The following MTA3 variants were observed in gnomAD, a reference collection of about 807,000 sequenced individuals.
MTA3 encodes the protein metastasis associated 1 family member 3.
MTA3 carries 34 observed loss-of-function variants against 83.5 expected under a neutral mutation model. That is an observed-to-expected ratio of 0.41 (90% CI 0.31 to 0.54). MTA3 has a LOEUF of 0.54. Among genes scored for constraint, MTA3 ranks in the 20% least tolerant of loss-of-function variants. The pLI is 0.33. For missense variants in MTA3, 761 were observed against 726.4 expected (o/e 1.05, Z -0.55); for synonymous variants, 303 against 252.7 (o/e 1.20, Z -1.89).
At chr2:42,726,242 C>A (rs1561506) in intron 16 of MTA3, among the ~76,000 whole-genome samples, 81,545 of 151,460 alleles carry the variant, frequency 0.54, 22,382 homozygotes, top group Middle Eastern at 0.67. Flanking sequence ...GAAACAACAC[C>A]CGGGGCTGCT....
At chr2:42,502,019 A>G (rs1486538742) in intron 2 of MTA3, among the ~76,000 whole-genome samples, 1 of 152,084 alleles carries the variant, frequency 6.6e-6, no homozygotes, top group African/African-American at 2.4e-5. Context: ...AAAAAGACCC[A>G]AATTCCCTGA....
At chr2:42,711,302 G>T (rs1666589284) in intron 14 of MTA3, among the ~76,000 whole-genome samples, 1 of 152,006 alleles carries the variant, frequency 6.6e-6, no homozygotes, top group Non-Finnish European at 1.5e-5. Flanking sequence ...ATTCTTCAAT[G>T]AAGTATATTT....
intron 4 of MTA3, among the ~76,000 whole-genome samples, chr2:42,630,521 A>C (rs1686573937): frequency 6.6e-6 from 1 of 152,214 alleles, no homozygotes; most frequent in Non-Finnish European, 1.5e-5. Flanking sequence ...ATTGTGGAGT[A>C]AATTATGATG....
intron 13 of MTA3, among the ~76,000 whole-genome samples, chr2:42,708,359 T>C (rs765852548): frequency 2.6e-5 from 4 of 152,236 alleles, no homozygotes; most frequent in Non-Finnish European, 5.9e-5. Flanking sequence ...TTACATTCTG[T>C]TGAAGGCGTG....
Position 42,754,511 on chromosome 2 carries a change from C to T in MTA3, c.*1112C>T, listed in dbSNP as rs373466310. ...CCCTTGGTGGCATCACAGTTGGCCA[C>T]TCAGCTGTGCTGAGTAGCTGTGCTA... On this transcript the variant is annotated 3_prime_UTR_variant, in exon 17 of 17. Coordinates refer to ENST00000405094, the MANE Select transcript of MTA3 (RefSeq NM_001330442.2). 2 of 985,444 alleles carry T rather than the reference C, an allele frequency of 2.0e-6. No individual in the cohort carries two copies. Among genetic ancestry groups the T allele is most frequent in the Non-Finnish European group, 2.4e-6 (2 of 830,018 alleles). 61.0% of individuals were successfully genotyped at this position (985,444 alleles called of 1,614,324 possible). A position where few individuals can be genotyped will look rare whatever the true frequency, so the allele number is the denominator to read the frequency against.
intron 2 of MTA3, among the ~76,000 whole-genome samples, chr2:42,542,835 G>C (rs948240478): frequency 1.3e-5 from 2 of 152,062 alleles, no homozygotes; most frequent in African/African-American, 2.4e-5. Flanking sequence ...GGGATTACAG[G>C]CGTGACCCAC....
chr2:42,693,449 A>G (rs1435204268), intron 9 of MTA3, among the ~76,000 whole-genome samples: 1 of 152,208 alleles, frequency 6.6e-6, no homozygotes, highest in African/African-American at 2.4e-5. Flanking sequence ...GACTCAAACC[A>G]CAATATAAAA....
chr2:42,597,941 C>G (rs1234006196), intron 3 of MTA3, among the ~76,000 whole-genome samples: 1 of 152,124 alleles, frequency 6.6e-6, no homozygotes, highest in Non-Finnish European at 1.5e-5. Flanking sequence ...TTTAGCCTCC[C>G]AAAGTGTTAG....
chr2:42,496,340 C>A (rs1674134781), intron 2 of MTA3, among the ~76,000 whole-genome samples: 1 of 152,032 alleles, frequency 6.6e-6, no homozygotes, highest in Admixed American at 6.6e-5. Context: ...AGCAGCAATA[C>A]CCAAATCGTT....
In MTA3 at chr2:42,579,172, A is replaced by C. The variant is rs750174080; in HGVS notation, c.162A>C (p.Thr54=). ...ATAGACGACGTGATATTTCCAACAC[A>C]CTTATAATGCTCGCAGATAAGCATG... ...CFYRRRDISN[T]LIMLADKHAK... The change falls in exon 3 of 17, where the codon ACA becomes ACC. Residue 54 remains threonine (T), a synonymous_variant. Transcript: ENST00000405094. 4.4e-6 allele frequency: 7 copies of C among 1,604,232 alleles called. No individual in the cohort carries two copies. In the South Asian group the frequency reaches 5.6e-5, roughly 13 times the overall value.
At chr2:42,691,159 A>C (rs933128505) in intron 9 of MTA3, among the ~76,000 whole-genome samples, 1 of 151,904 alleles carries the variant, frequency 6.6e-6, no homozygotes, top group Non-Finnish European at 1.5e-5. Flanking sequence ...TTACAGGCGC[A>C]TGCCACCAGC....
At chr2:42,646,472 C>T (rs1688197687) in intron 6 of MTA3, among the ~76,000 whole-genome samples, 1 of 152,170 alleles carries the variant, frequency 6.6e-6, no homozygotes, top group African/African-American at 2.4e-5. Flanking sequence ...CCAGTAACAA[C>T]AACTGTAATT....
chr2:42,722,745 C>T lies in MTA3; in HGVS notation c.1613-144C>T, dbSNP rs1395539743. 9.8e-6 allele frequency: 9 copies of T among 915,994 alleles called. No homozygotes were observed. In the East Asian group the frequency reaches 1.1e-4, roughly 11 times the overall value. 56.7% of individuals were successfully genotyped at this position (915,994 alleles called of 1,614,324 possible). The stretch of plus-strand genomic sequence containing the variant: ...CCATGGCAACAACACTTGAAGCTGA[C>T]TCATTATGCAAGTCCTTGGCTGGCT... On this transcript the variant is annotated intron_variant, in intron 15 of 16. Transcript: ENST00000405094.
rs973886554 is a variant in MTA3 at position 42,756,716 on chromosome 2, C to T, written c.*3317C>T. On this transcript the variant is annotated 3_prime_UTR_variant, in exon 17 of 17. Transcript: ENST00000405094. ...GTTAGCAGCCCCTCCTCACCATTCCCCCCAGGAAGGCCATGTCCCAGTTTT... is the reference window on the plus strand; with the variant it reads ...GTTAGCAGCCCCTCCTCACCATTCCTCCCAGGAAGGCCATGTCCCAGTTTT... The T allele has an allele frequency of 1.1e-4, 106 of 985,342 alleles. No homozygotes were observed. The highest frequency in any genetic ancestry group is 1.2e-4 in the Non-Finnish European group (103 of 830,000). The allele number at this position is 985,342 out of a possible 1,614,324, so 61.0% of individuals were successfully genotyped here. A position where few individuals can be genotyped will look rare whatever the true frequency, so the allele number is the denominator to read the frequency against.
At chr2:42,620,072 C>T (rs1685361835) in intron 4 of MTA3, among the ~76,000 whole-genome samples, 1 of 151,430 alleles carries the variant, frequency 6.6e-6, no homozygotes, top group Admixed American at 6.6e-5. Flanking sequence ...AGCACGTTGA[C>T]AGTGTTTGCA....
At position 42,723,058 on chromosome 2, in the gene MTA3, G is replaced by A. The variant is rs1667542865; in HGVS notation, c.1759+23G>A. On this transcript the variant is annotated intron_variant, in intron 16 of 16. Transcript: ENST00000405094. ...ATGGTATGTAAGCCCAGGAATTCTG[G>A]AGGCTGTTCTGATAGAGTGCCTTCA... 6 of 1,549,476 alleles carry A rather than the reference G, an allele frequency of 3.9e-6. No individual in the cohort carries two copies. The East Asian group carries it at 1.2e-4, about 32-fold the overall frequency.
At chr2:42,500,544 G>C (rs934605806) in intron 2 of MTA3, among the ~76,000 whole-genome samples, 3 of 152,066 alleles carry the variant, frequency 2.0e-5, no homozygotes, top group East Asian at 1.9e-4. Context: ...AATAAACAGA[G>C]AAACAGAAAT....
At chr2:42,572,709 A>G (rs1400284030) in intron 2 of MTA3, among the ~76,000 whole-genome samples, 8 of 152,102 alleles carry the variant, frequency 5.3e-5, no homozygotes, top group African/African-American at 9.7e-5. Flanking sequence ...ATTGCAGGAG[A>G]AGAAACTTTT....
chr2:42,623,652 A>G (rs1285583408), intron 4 of MTA3, among the ~76,000 whole-genome samples: 7 of 148,164 alleles, frequency 4.7e-5, no homozygotes, highest in South Asian at 2.1e-4. Context: ...TTGTATCCCC[A>G]TGGTATTTTA....
Sources: allele counts gnomAD v4.1 joint callset (sites outside exome capture counted in the v4.1 genomes callset), GRCh38; gene constraint gnomAD v4.1.1; transcripts MANE v1.5; gene names NCBI Gene and HGNC (gene_info 2026-07-23, HGNC 2026-07-21).